The following EFR3B variants were observed in gnomAD, a reference collection of about 807,000 sequenced individuals.
EFR3B encodes protein EFR3 homolog B.
EFR3B carries 64 observed loss-of-function variants against 104.7 expected under a neutral mutation model. That is an observed-to-expected ratio of 0.61 (90% CI 0.50 to 0.75). The LOEUF (loss-of-function observed/expected upper bound fraction) is 0.75. Among genes scored for constraint, EFR3B ranks in the 30% least tolerant of loss-of-function variants. The pLI, the probability that EFR3B is intolerant of heterozygous loss-of-function variation, is 0.00. For synonymous variants in EFR3B, 385 were observed against 417.9 expected (o/e 0.92, Z 0.96); for missense variants, 750 against 1,078.5 (o/e 0.70, Z 4.27).
chr2:25,083,261 G>A (rs1262656251), intron 1 of EFR3B, among the ~76,000 whole-genome samples: 1 of 152,174 alleles, frequency 6.6e-6, no homozygotes, highest in African/African-American at 2.4e-5. Context: ...GATCCCTAGA[G>A]AGTGAAAGAG....
At chr2:25,078,987 A>G (rs1668713413) in intron 1 of EFR3B, among the ~76,000 whole-genome samples, 1 of 151,942 alleles carries the variant, frequency 6.6e-6, no homozygotes, top group Non-Finnish European at 1.5e-5. Context: ...CGACCTCCCA[A>G]CCCTTCTCAC....
chr2:25,104,532 T>C (rs377734648), intron 4 of EFR3B, among the ~76,000 whole-genome samples: 1 of 152,180 alleles, frequency 6.6e-6, no homozygotes, highest in Non-Finnish European at 1.5e-5. Flanking sequence ...CCAATAGATA[T>C]AAAAATCGAT....
rs1670743900 is a variant in EFR3B at position 25,143,821 on chromosome 2, A to G, written c.2009A>G (p.Asn670Ser). Reference protein sequence around the residue: ...ISEVLGGSGYNSDRLCLPYIP... With the variant: ...ISEVLGGSGYSSDRLCLPYIP... ...GAAGTCCTGGGAGGCAGTGGCTACAACTCGGACCGGCTCTGCCTGCCCTAC... is the reference window on the plus strand; with the variant it reads ...GAAGTCCTGGGAGGCAGTGGCTACAGCTCGGACCGGCTCTGCCTGCCCTAC... The change falls in exon 18 of 23, where the codon AAC becomes AGC. Residue 670 changes from asparagine (N) to serine (S), a missense_variant. Physicochemically the swap from Asn to Ser is conservative, Grantham distance 46. Coordinates refer to ENST00000403714, the MANE Select transcript of EFR3B (RefSeq NM_014971.2). 7 of 1,551,522 alleles carry G rather than the reference A, an allele frequency of 4.5e-6. No homozygotes were observed. Among genetic ancestry groups the G allele is most frequent in the South Asian group, 1.2e-5 (1 of 84,054 alleles).
chr2:25,110,960 G>A lies in EFR3B; in HGVS notation c.363+7173G>A, dbSNP rs77252345. On this transcript the variant is annotated intron_variant, in intron 4 of 22. Coordinates refer to ENST00000403714, the MANE Select transcript of EFR3B (RefSeq NM_014971.2). ...TCATGACATTGACTTTTTGAAGAGG[G>A]CAGGTCAGTTGCTTTGTAGAATGCC... 4.0e-4 allele frequency among the ~76,000 whole-genome samples: 61 copies of A among 152,316 alleles called. No individual in the cohort carries two copies. The East Asian group carries it at 0.011, about 28-fold the overall frequency.
intron 12 of EFR3B, among the ~76,000 whole-genome samples, chr2:25,134,959 A>G (rs1281434987): frequency 6.6e-6 from 1 of 152,238 alleles, no homozygotes; most frequent in African/African-American, 2.4e-5. Flanking sequence ...TTAGTCACAA[A>G]GCGCCATTAT....
chr2:25,148,002 G>T (rs1310012112), intron 19 of EFR3B: 1 of 141,902 alleles, frequency 7.0e-6, no homozygotes, highest in East Asian at 2.2e-4. Context: ...TCTAGCCTGG[G>T]TGATGAGAGC....
intron 5 of EFR3B, among the ~76,000 whole-genome samples, chr2:25,122,497 C>T (rs1670043620): frequency 6.6e-6 from 1 of 152,086 alleles, no homozygotes; most frequent in African/African-American, 2.4e-5. Flanking sequence ...AGCCAAAGTT[C>T]ACACTTTGGC....
chr2:25,132,840 C>G (rs1670393788), intron 10 of EFR3B, 63 bp from the exon 11 acceptor site: 1 of 1,398,216 alleles, frequency 7.2e-7, no homozygotes, highest in Middle Eastern at 2.5e-4. Context: ...AGCTGAAAGG[C>G]TGAACCAGGA....
intron 5 of EFR3B, among the ~76,000 whole-genome samples, chr2:25,124,678 G>C (rs1670116664): frequency 7.0e-6 from 1 of 142,834 alleles, no homozygotes; most frequent in Admixed American, 7.5e-5. Flanking sequence ...GGCAGAGCTT[G>C]CAGTGAGCCG....
chr2:25,144,314 G>A (rs563197751), intron 18 of EFR3B, among the ~76,000 whole-genome samples: 8 of 152,232 alleles, frequency 5.3e-5, no homozygotes, highest in Non-Finnish European at 7.4e-5. Flanking sequence ...AGGCTGAGGC[G>A]GATGGATTGC....
At chr2:25,129,889 T>C in intron 6 of EFR3B, 86 bp from the exon 7 acceptor site, 1 of 1,491,366 alleles carries the variant, frequency 6.7e-7, no homozygotes, top group Non-Finnish European at 9.0e-7. Context: ...TTGTCTTGTG[T>C]GGATGAAACA....
intron 4 of EFR3B, among the ~76,000 whole-genome samples, chr2:25,104,334 A>C (rs140073465): frequency 2.6e-5 from 4 of 152,318 alleles, no homozygotes; most frequent in African/African-American, 9.6e-5. Flanking sequence ...ATGCCACTGC[A>C]CTCCAACCTG....
At chr2:25,044,421 G>A (rs1188869771) in intron 1 of EFR3B, among the ~76,000 whole-genome samples, 1 of 152,128 alleles carries the variant, frequency 6.6e-6, no homozygotes, top group Non-Finnish European at 1.5e-5. Flanking sequence ...ATAGAGTGAT[G>A]AAAAAAAGTG....
chr2:25,066,529 C>G (rs1001916371), intron 1 of EFR3B, among the ~76,000 whole-genome samples: 1 of 152,142 alleles, frequency 6.6e-6, no homozygotes, highest in East Asian at 1.9e-4. Context: ...GGAATGCCTT[C>G]CTTTCTTGTC....
intron 1 of EFR3B, among the ~76,000 whole-genome samples, chr2:25,077,184 T>A: frequency 6.6e-6 from 1 of 152,238 alleles, no homozygotes; most frequent in East Asian, 1.9e-4. Flanking sequence ...GGCAAATTGC[T>A]GCGTCACTCA....
At chr2:25,080,295 T>TTTTTTTTTTTTG in intron 1 of EFR3B, 1 of 921,144 alleles carries the variant, frequency 1.1e-6, no homozygotes, top group Non-Finnish European at 1.6e-6. Context: ...TTTTTTTTTT[T>TTTTTTTTTTTTG]TTTTTTTTTT....
At chr2:25,153,392 A>C (rs576688956) in intron 21 of EFR3B, among the ~76,000 whole-genome samples, 1 of 152,056 alleles carries the variant, frequency 6.6e-6, no homozygotes, top group South Asian at 2.1e-4. Context: ...GCACTAGTGC[A>C]GTCTCCCGAC....
intron 1 of EFR3B, among the ~76,000 whole-genome samples, chr2:25,072,679 G>A (rs1668530515): frequency 6.6e-6 from 1 of 152,068 alleles, no homozygotes; most frequent in Non-Finnish European, 1.5e-5. Flanking sequence ...CAGACCCATG[G>A]CTACCCTTCC....
At position 25,108,248 on chromosome 2, in the gene EFR3B, C is replaced by T. The variant is rs116378649; in HGVS notation, c.363+4461C>T. Reference sequence around the variant, plus strand: ...GAGTCAGGGCCAGCTAAGCTCCTTACTCACTGGGGATTCACTTCTGCACAC... The same window carrying T: ...GAGTCAGGGCCAGCTAAGCTCCTTATTCACTGGGGATTCACTTCTGCACAC... On this transcript the variant is annotated intron_variant, in intron 4 of 22. Coordinates refer to ENST00000403714, the MANE Select transcript of EFR3B (RefSeq NM_014971.2). 6.2e-3 allele frequency among the ~76,000 whole-genome samples: 937 copies of T among 152,274 alleles called. 6 individuals are homozygous for T. Among genetic ancestry groups the T allele is most frequent in the African/African-American group, 0.022 (903 of 41,552 alleles).
Sources: allele counts gnomAD v4.1 joint callset (sites outside exome capture counted in the v4.1 genomes callset), GRCh38; gene constraint gnomAD v4.1.1; transcripts MANE v1.5; gene names NCBI Gene and HGNC (gene_info 2026-07-23, HGNC 2026-07-21).